The following PCDHGA2 variants were observed in gnomAD, a reference collection of about 807,000 sequenced individuals.
PCDHGA2 encodes protocadherin gamma subfamily A, 2, also known as protocadherin gamma-A2.
In PCDHGA2, 40 loss-of-function variants were observed where a neutral mutation model predicts 59.2. The observed-to-expected ratio is 0.68, with a 90% CI of 0.52 to 0.88. The LOEUF is 0.88. PCDHGA2 is among the 40% of genes least tolerant of loss of function. The pLI, the probability that PCDHGA2 is intolerant of heterozygous loss-of-function variation, is 0.00. For missense variants in PCDHGA2, 1,226 were observed against 1,204.0 expected, an observed-to-expected ratio of 1.02 and a Z score of -0.27; for synonymous variants, 560 against 526.0, an observed-to-expected ratio of 1.06 and a Z score of -0.89.
intron 1 of PCDHGA2, chr5:141,360,456 T>C: frequency 6.2e-7 from 1 of 1,613,990 alleles, no homozygotes; most frequent in Non-Finnish European, 8.5e-7. Flanking sequence ...TGGATTTCGA[T>C]ACTGTCGCTG....
At chr5:141,507,121 G>A (rs940889204) in intron 3 of PCDHGA2, 1 of 152,126 alleles carries the variant, frequency 6.6e-6, no homozygotes, top group African/African-American at 2.4e-5. Flanking sequence ...GGCTGCCTTT[G>A]GATCCAGCCT....
intron 1 of PCDHGA2, among the ~76,000 whole-genome samples, chr5:141,401,895 T>C (rs184400858): frequency 3.8e-4 from 58 of 152,342 alleles, no homozygotes; most frequent in African/African-American, 1.1e-3. Context: ...GTGTTCTTTT[T>C]CCCAAATTAT....
At chr5:141,423,415 G>A (rs779262475) in intron 1 of PCDHGA2, 103 of 1,614,016 alleles carry the variant, frequency 6.4e-5, no homozygotes, top group African/African-American at 1.2e-4. Context: ...GCAGGCTTCT[G>A]AAGGCGGGTT....
rs1434955829 is a variant in PCDHGA2, at chr5:141,431,361, A to G, written c.2425-63446A>G. 3 of 1,614,002 alleles carry G rather than the reference A, an allele frequency of 1.9e-6. No homozygotes were observed. The highest frequency in any genetic ancestry group is 2.5e-6 in the Non-Finnish European group (3 of 1,180,034). On this transcript the variant is annotated intron_variant, in intron 1 of 3. Transcript: ENST00000394576. The surrounding 1 kb of genome is among the most constrained non-coding windows in gnomAD (Gnocchi z 4.8). ...GAATTGGTGCTGAAACGCGCCCTGG[A>G]CCGCGAAGAAAAGGCTGCTCACCAC...
At chr5:141,498,971 G>A (rs866066098) in intron 2 of PCDHGA2, among the ~76,000 whole-genome samples, 16 of 111,052 alleles carry the variant, frequency 1.4e-4, no homozygotes, top group African/African-American at 2.5e-4. Context: ...GAGGGAGGGA[G>A]GGAAGGAAGG....
intron 1 of PCDHGA2, chr5:141,365,741 A>C: frequency 1.2e-6 from 2 of 1,613,506 alleles, no homozygotes; most frequent in African/African-American, 1.3e-5. Context: ...AGGTGTCTCT[A>C]TCTTCTCTGT....
intron 1 of PCDHGA2, chr5:141,355,674 T>C: frequency 6.2e-7 from 1 of 1,614,040 alleles, no homozygotes; most frequent in East Asian, 2.2e-5. Context: ...CTGAAGCTTT[T>C]GATCCGGATG....
intron 1 of PCDHGA2, chr5:141,404,757 C>T (rs759444247): frequency 3.1e-6 from 5 of 1,613,918 alleles, no homozygotes; most frequent in Non-Finnish European, 4.2e-6. Flanking sequence ...GGCCAGAATG[C>T]TTGGCTCTCC....
chr5:141,469,731 C>T (rs1332201791), intron 1 of PCDHGA2, among the ~76,000 whole-genome samples: 1 of 152,214 alleles, frequency 6.6e-6, no homozygotes, highest in Non-Finnish European at 1.5e-5. Context: ...ATCATAAATA[C>T]ACACCTCAAA....
Position 141,477,198 on chromosome 5 carries a change from TACCCGAGGATG to T in PCDHGA2, c.2425-17608_2425-17598del. 6.2e-7 allele frequency: 1 copy of T among 1,614,194 alleles called. No homozygotes were observed. The highest frequency in any genetic ancestry group is 2.2e-5 in the East Asian group (1 of 44,874). On this transcript the variant is annotated intron_variant, in intron 1 of 3. Transcript: ENST00000394576. The surrounding 1 kb of genome is among the most constrained non-coding windows in gnomAD (Gnocchi z 4.9). ...ACAGTCACCTCCGTGTACAGCCCAG[TACCCGAGGATG>T]CCCCTCTGGGGACTGTCATCGCTTT...
chr5:141,394,625 G>A, intron 1 of PCDHGA2: 1 of 1,613,496 alleles, frequency 6.2e-7, no homozygotes, highest in African/African-American at 1.3e-5. Flanking sequence ...ACGCCTGGCT[G>A]TCCTACCGCC....
At chr5:141,356,874 T>C in intron 1 of PCDHGA2, 1 of 1,614,196 alleles carries the variant, frequency 6.2e-7, no homozygotes, top group South Asian at 1.1e-5. Context: ...AGAACGACAA[T>C]GTCCCTGAGA....
intron 1 of PCDHGA2, among the ~76,000 whole-genome samples, chr5:141,452,316 T>C (rs2098738639): frequency 6.6e-6 from 1 of 152,208 alleles, no homozygotes; most frequent in Non-Finnish European, 1.5e-5. Flanking sequence ...ACTCATACTT[T>C]CCTTGTTCCA....
chr5:141,353,842 T>C (rs1435431790), intron 1 of PCDHGA2, among the ~76,000 whole-genome samples: 1 of 152,240 alleles, frequency 6.6e-6, no homozygotes. Flanking sequence ...TCTTTGAGGA[T>C]TGTGAAAAAC....
chr5:141,361,803 T>C, intron 1 of PCDHGA2: 1 of 1,613,164 alleles, frequency 6.2e-7, no homozygotes, highest in Non-Finnish European at 8.5e-7. Flanking sequence ...GCGACCTCAA[T>C]GACAATGCGC....
At position 141,360,986 on chromosome 5, in the gene PCDHGA2, T is replaced by C. The variant is rs540455461; in HGVS notation, c.2424+19591T>C. 1.9e-6 allele frequency: 3 copies of C among 1,613,732 alleles called. No homozygotes were observed. In the South Asian group the frequency reaches 3.3e-5, roughly 18 times the overall value. On this transcript the variant is annotated intron_variant, in intron 1 of 3. Transcript: ENST00000394576. ...GAGATCACCTACTCCTTTCATAATG[T>C]GGACGAACAAGTGAAACACTTTTTC... is the stretch of plus-strand genomic sequence containing the variant.
chr5:141,447,048 A>T (rs149112101), intron 1 of PCDHGA2, among the ~76,000 whole-genome samples: 1 of 152,066 alleles, frequency 6.6e-6, no homozygotes, highest in Non-Finnish European at 1.5e-5. Flanking sequence ...CTGGAATTCT[A>T]TTAAAATGTG....
At chr5:141,360,621 T>G (rs1374902225) in intron 1 of PCDHGA2, 2 of 1,613,908 alleles carry the variant, frequency 1.2e-6, no homozygotes, top group Non-Finnish European at 1.7e-6. Context: ...ATTCAGATGT[T>G]GGTCCTAACT....
chr5:141,349,127 G>C (rs557742918), intron 1 of PCDHGA2, among the ~76,000 whole-genome samples: 1 of 152,292 alleles, frequency 6.6e-6, no homozygotes, highest in South Asian at 2.1e-4. Flanking sequence ...ATGGACTTCA[G>C]TGGCATGATC....
Sources: gnomAD v4.1 joint callset for allele counts (sites outside exome capture counted in the v4.1 genomes callset) on GRCh38, gnomAD v4.1.1 for gene constraint, Gnocchi (gnomAD v3.1) non-coding constraint, MANE v1.5 for transcripts, NCBI Gene and HGNC (gene_info 2026-07-23, HGNC 2026-07-21) for gene names.